SHISA6: variants seen among roughly 807,000 people sequenced by gnomAD.
SHISA6 encodes the protein protein shisa-6.
A neutral mutation model predicts 47.9 loss-of-function variants in SHISA6; 22 were observed. The observed-to-expected ratio is 0.46, with a 90% CI of 0.33 to 0.66. SHISA6 has a LOEUF of 0.66. Among genes scored for constraint, SHISA6 ranks in the 30% least tolerant of loss-of-function variants. SHISA6 has a pLI of 0.02. For synonymous variants in SHISA6, 388 were observed against 337.8 expected (o/e 1.15, Z -1.63); for missense variants, 680 against 764.6 (o/e 0.89, Z 1.30).
chr17:11,504,742 G>A (rs1567623850), intron 3 of SHISA6, among the ~76,000 whole-genome samples: 1 of 152,056 alleles, frequency 6.6e-6, no homozygotes, highest in African/African-American at 2.4e-5. Flanking sequence ...GAAGGGGAAG[G>A]ACACACACTC....
intron 2 of SHISA6, among the ~76,000 whole-genome samples, chr17:11,280,202 C>A (rs9892139): frequency 0.77 from 116,740 of 152,200 alleles, 45,402 homozygotes; most frequent in Non-Finnish European, 0.84. Flanking sequence ...CTTTTAGGAT[C>A]TACGATGGCT....
intron 3 of SHISA6, among the ~76,000 whole-genome samples, chr17:11,458,927 C>T (rs1273377937): frequency 6.6e-6 from 1 of 151,924 alleles, no homozygotes; most frequent in Non-Finnish European, 1.5e-5. Context: ...CATTATGGGC[C>T]GGGCATGGTG....
At chr17:11,312,632 C>T (rs903751844) in intron 2 of SHISA6, among the ~76,000 whole-genome samples, 8 of 152,126 alleles carry the variant, frequency 5.3e-5, no homozygotes, top group Non-Finnish European at 1.0e-4. Context: ...ACATATAAAA[C>T]AATATAAGCA....
At chr17:11,343,429 T>A (rs1446349080) in intron 2 of SHISA6, among the ~76,000 whole-genome samples, 4 of 152,080 alleles carry the variant, frequency 2.6e-5, no homozygotes, top group African/African-American at 9.7e-5. Flanking sequence ...GTGATACCAG[T>A]GAGTGGAGAA....
intron 3 of SHISA6, among the ~76,000 whole-genome samples, chr17:11,533,587 A>ATTTTTTTTTTTTTTT (rs3038696): frequency 1.1e-5 from 1 of 94,998 alleles, no homozygotes. Context: ...CCCTTTCATT[A>ATTTTTTTTTTTTTTT]TTTTTTTTTT....
At chr17:11,277,318 A>ACACACC (rs1389004430) in intron 2 of SHISA6, among the ~76,000 whole-genome samples, 51 of 128,066 alleles carry the variant, frequency 4.0e-4, no homozygotes, top group East Asian at 1.1e-3. Flanking sequence ...ACACACACAC[A>ACACACC]CCCCGCATGT....
At chr17:11,428,436 G>T (rs988331466) in intron 3 of SHISA6, among the ~76,000 whole-genome samples, 2 of 152,238 alleles carry the variant, frequency 1.3e-5, no homozygotes, top group Non-Finnish European at 2.9e-5. Context: ...TGCAAGGTCT[G>T]TCCTTGTTTG....
At chr17:11,247,039 C>A (rs781419335) in intron 1 of SHISA6, among the ~76,000 whole-genome samples, 1 of 152,138 alleles carries the variant, frequency 6.6e-6, no homozygotes, top group Non-Finnish European at 1.5e-5. Context: ...TTCTGGGAAT[C>A]GACTGCTAAG....
At chr17:11,394,206 GTGGA>G (rs1474697396) in intron 3 of SHISA6, among the ~76,000 whole-genome samples, 1 of 152,154 alleles carries the variant, frequency 6.6e-6, no homozygotes, top group African/African-American at 2.4e-5. Flanking sequence ...TACAGAATGA[GTGGA>G]TGGATGGATG....
At chr17:11,314,760 G>T (rs373825189) in intron 2 of SHISA6, among the ~76,000 whole-genome samples, 16 of 151,818 alleles carry the variant, frequency 1.1e-4, no homozygotes, top group African/African-American at 2.9e-4. Context: ...GGCTGGTCTC[G>T]AACTCCTGAC....
chr17:11,489,291 C>T (rs1317179229), intron 3 of SHISA6, among the ~76,000 whole-genome samples: 1 of 152,016 alleles, frequency 6.6e-6, no homozygotes, highest in Non-Finnish European at 1.5e-5. Flanking sequence ...CTTTTGCCAT[C>T]CTGACTGCTG....
At chr17:11,292,824 ATT>A (rs35397647) in intron 2 of SHISA6, among the ~76,000 whole-genome samples, 13 of 135,574 alleles carry the variant, frequency 9.6e-5, no homozygotes, top group East Asian at 4.3e-4. Flanking sequence ...AATCAGATTG[ATT>A]TTTTTTTTTT....
chr17:11,421,066 A>G (rs1188574014), intron 3 of SHISA6, among the ~76,000 whole-genome samples: 2 of 152,132 alleles, frequency 1.3e-5, no homozygotes, highest in African/African-American at 2.4e-5. Context: ...TAGACCTTTC[A>G]CCATTTTATG....
chr17:11,338,953 A>G (rs766197197), intron 2 of SHISA6, among the ~76,000 whole-genome samples: 3 of 152,224 alleles, frequency 2.0e-5, no homozygotes, highest in Non-Finnish European at 4.4e-5. Flanking sequence ...TAAAATTGCA[A>G]ACATTCTTAT....
chr17:11,422,916 C>G (rs967842024), intron 3 of SHISA6, among the ~76,000 whole-genome samples: 1 of 151,872 alleles, frequency 6.6e-6, no homozygotes, highest in Non-Finnish European at 1.5e-5. Flanking sequence ...AATCCCTTAA[C>G]CTATGCACAC....
chr17:11,391,082 A>G (rs1023104159), intron 3 of SHISA6, among the ~76,000 whole-genome samples: 1 of 152,192 alleles, frequency 6.6e-6, no homozygotes, highest in Non-Finnish European at 1.5e-5. Context: ...CGGGCTGAGA[A>G]TAGGGCAGGG....
chr17:11,255,269 C>T (rs1907964590), intron 1 of SHISA6, among the ~76,000 whole-genome samples: 1 of 151,688 alleles, frequency 6.6e-6, no homozygotes, highest in Admixed American at 6.6e-5. Context: ...TGTGAAGATC[C>T]TTGAGTAGGG....
chr17:11,497,602 T>C (rs1414023696), intron 3 of SHISA6, among the ~76,000 whole-genome samples: 1 of 152,198 alleles, frequency 6.6e-6, no homozygotes, highest in East Asian at 1.9e-4. Flanking sequence ...CTAGCAAACA[T>C]TTGTTCAAAA....
intron 3 of SHISA6, among the ~76,000 whole-genome samples, chr17:11,388,560 T>C (rs756812944): frequency 6.6e-6 from 1 of 151,846 alleles, no homozygotes; most frequent in Non-Finnish European, 1.5e-5. Flanking sequence ...CTTGGTGTGC[T>C]CAGCTTTATT....
Sources: gnomAD v4.1 joint callset for allele counts (sites outside exome capture counted in the v4.1 genomes callset) on GRCh38, gnomAD v4.1.1 for gene constraint, MANE v1.5 for transcripts, NCBI Gene and HGNC (gene_info 2026-07-23, HGNC 2026-07-21) for gene names.